The following PPHLN1 variants were observed in gnomAD, a reference collection of about 807,000 sequenced individuals.
The protein encoded by PPHLN1 is periphilin 1.
A neutral mutation model predicts 51.3 loss-of-function variants in PPHLN1; 29 were observed. The observed-to-expected ratio is 0.57, with a 90% CI of 0.42 to 0.77. The LOEUF (loss-of-function observed/expected upper bound fraction) is 0.77. PPHLN1 is among the 30% of genes least tolerant of loss of function. The probability of loss-of-function intolerance (pLI) is 0.00; values close to 1 mark genes in which losing one functional copy is unlikely to be tolerated. For missense variants in PPHLN1, 436 were observed against 438.4 expected (o/e 0.99, Z 0.05); for synonymous variants, 147 against 147.8 (o/e 0.99, Z 0.04).
chr12:42,412,425 A>AT (rs76141122), intron 9 of PPHLN1, among the ~76,000 whole-genome samples: 136 of 144,904 alleles, frequency 9.4e-4, no homozygotes, highest in Middle Eastern at 7.1e-3. Context: ...ATATTATTTC[A>AT]TTTTTTTTTT....
intron 9 of PPHLN1, among the ~76,000 whole-genome samples, chr12:42,403,954 T>C (rs2079059690): frequency 6.6e-6 from 1 of 152,176 alleles, no homozygotes. Context: ...AGTCTCTGAG[T>C]ATTTTATGGT....
chr12:42,418,808 CAGCTAAAAAGAG>C (rs934297294), intron 9 of PPHLN1, among the ~76,000 whole-genome samples: 2 of 151,820 alleles, frequency 1.3e-5, no homozygotes, highest in African/African-American at 4.8e-5. Context: ...AATATCTTTC[CAGCTAAAAAGAG>C]AGTTTCCTGA....
chr12:42,444,560 C>G (rs2083192025), downstream of PPHLN1: 1 of 152,868 alleles, frequency 6.5e-6, no homozygotes, highest in African/African-American at 2.4e-5. Flanking sequence ...GCTCACATAC[C>G]AGGACTAAAA....
At chr12:42,378,127 T>C (rs975665931) in intron 5 of PPHLN1, among the ~76,000 whole-genome samples, 1 of 148,230 alleles carries the variant, frequency 6.7e-6, no homozygotes, top group African/African-American at 2.6e-5. Context: ...TTTCTTTCTT[T>C]CTTTCTTTCT....
intron 8 of PPHLN1, 187 bp from the exon 9 acceptor site, chr12:42,398,667 G>C: frequency 2.3e-6 from 1 of 441,062 alleles, no homozygotes; most frequent in Admixed American, 4.0e-5. Flanking sequence ...AAAAGTAGCA[G>C]TCATTTCTTC....
intron 6 of PPHLN1, among the ~76,000 whole-genome samples, chr12:42,385,599 A>G (rs2077129823): frequency 6.6e-6 from 1 of 152,188 alleles, no homozygotes; most frequent in Non-Finnish European, 1.5e-5. Context: ...TGTCTAGCTG[A>G]TAAGTGCTAA....
intron 9 of PPHLN1, chr12:42,432,079 C>G: frequency 2.6e-6 from 4 of 1,568,270 alleles, no homozygotes; most frequent in Non-Finnish European, 1.8e-6. Context: ...CCACCACGAC[C>G]TCGACCCCCT....
chr12:42,353,590 A>G (rs530561200), intron 3 of PPHLN1, among the ~76,000 whole-genome samples: 108 of 152,244 alleles, frequency 7.1e-4, no homozygotes, highest in African/African-American at 2.5e-3. Context: ...TTTTTATTTT[A>G]TTCAGCTTTT....
intron 9 of PPHLN1, among the ~76,000 whole-genome samples, chr12:42,408,832 G>GGAATAGTT (rs2079547941): frequency 2.6e-5 from 4 of 152,140 alleles, no homozygotes; most frequent in African/African-American, 9.7e-5. Context: ...TAACTGATAA[G>GGAATAGTT]TCACACTGAG....
chr12:42,446,490 A>C, downstream of PPHLN1: 1 of 1,439,276 alleles, frequency 6.9e-7, no homozygotes, highest in South Asian at 1.3e-5. Context: ...GCAAAAAAAA[A>C]TCTCTCCTAG....
Position 42,374,920 on chromosome 12 carries a change from G to C in PPHLN1, c.357G>C (p.Glu119Asp). The C allele has an allele frequency of 6.2e-7, 1 of 1,613,528 alleles. No individual in the cohort carries two copies. ...TCTACTCTTCCCATTATGCGAGAGA[G>C]CGGTCTCCTTATAAAAGGGACAATA... Reference protein sequence around the residue: ...KSFYSSHYARERSPYKRDNTF... With the variant: ...KSFYSSHYARDRSPYKRDNTF... Residue 119 changes from glutamate (E) to aspartate (D), a missense_variant, in exon 5 of 10, where the codon GAG (glutamate) becomes GAC (aspartate). Transcript: ENST00000358314.
intron 9 of PPHLN1, among the ~76,000 whole-genome samples, chr12:42,405,356 A>C (rs1236315822): frequency 6.6e-6 from 1 of 152,212 alleles, no homozygotes; most frequent in Non-Finnish European, 1.5e-5. Flanking sequence ...TTTTATATGC[A>C]CTTGAGTGCT....
At chr12:42,350,557 C>T (rs548536242) in intron 2 of PPHLN1, among the ~76,000 whole-genome samples, 125 of 152,212 alleles carry the variant, frequency 8.2e-4, no homozygotes, top group Non-Finnish European at 1.5e-3. Flanking sequence ...ACTTCCTAGA[C>T]GGGGTGGTGG....
chr12:42,364,160 G>T (rs979563212), intron 4 of PPHLN1, among the ~76,000 whole-genome samples: 1 of 152,186 alleles, frequency 6.6e-6, no homozygotes, highest in East Asian at 1.9e-4. Context: ...GGAAGCGGAG[G>T]TTGCAGTGAG....
downstream of PPHLN1, chr12:42,445,104 C>G (rs1048407456): frequency 1.4e-6 from 1 of 702,264 alleles, no homozygotes; most frequent in Admixed American, 2.0e-5. Flanking sequence ...TGCCTTTTTT[C>G]TTTGACTTCA....
At chr12:42,373,182 C>T (rs1301975424) in intron 4 of PPHLN1, among the ~76,000 whole-genome samples, 1 of 152,192 alleles carries the variant, frequency 6.6e-6, no homozygotes, top group African/African-American at 2.4e-5. Flanking sequence ...ATTTGGCTCA[C>T]CATTGGGTCC....
chr12:42,393,983 T>C (rs2077970171), intron 8 of PPHLN1, among the ~76,000 whole-genome samples: 1 of 152,098 alleles, frequency 6.6e-6, no homozygotes, highest in Admixed American at 6.5e-5. Flanking sequence ...GTTAAAAGTA[T>C]CTCAGGAAAT....
chr12:42,381,133 A>G (rs1050841293), intron 5 of PPHLN1, among the ~76,000 whole-genome samples: 1 of 152,208 alleles, frequency 6.6e-6, no homozygotes, highest in Non-Finnish European at 1.5e-5. Context: ...TTAGGCCATC[A>G]CTTGATCTAG....
downstream of PPHLN1, chr12:42,445,217 G>T (rs969404272): frequency 1.5e-6 from 1 of 674,046 alleles, no homozygotes; most frequent in Non-Finnish European, 2.7e-6. Context: ...AAGCAGACCT[G>T]CAGGTTATGA....
Sources: gnomAD v4.1 joint callset for allele counts (sites outside exome capture counted in the v4.1 genomes callset) on GRCh38, gnomAD v4.1.1 for gene constraint, MANE v1.5 for transcripts, NCBI Gene and HGNC (gene_info 2026-07-23, HGNC 2026-07-21) for gene names.